SYNE1: variants seen among roughly 807,000 people sequenced by gnomAD.
The protein encoded by SYNE1 is nesprin-1.
In SYNE1, 616 loss-of-function variants were observed where a neutral mutation model predicts 1,111.0. The ratio of observed to expected loss-of-function variants is 0.55; its 90% CI spans 0.52 to 0.59. The LOEUF (loss-of-function observed/expected upper bound fraction) is 0.59, where lower values mean the gene tolerates loss of function less well. Among genes scored for constraint, SYNE1 ranks in the 20% least tolerant of loss-of-function variants. The pLI, the probability that SYNE1 is intolerant of heterozygous loss-of-function variation, is 0.00. For synonymous variants in SYNE1, 3,855 were observed against 3,825.8 expected, an observed-to-expected ratio of 1.01 and a Z score of -0.28; for missense variants, 10,006 against 10,417.0, an observed-to-expected ratio of 0.96 and a Z score of 1.72.
intron 105 of SYNE1, among the ~76,000 whole-genome samples, chr6:152,246,686 G>A (rs2087265335): frequency 6.6e-6 from 1 of 152,178 alleles, no homozygotes; most frequent in Admixed American, 6.5e-5. Flanking sequence ...AGAACAGAAA[G>A]ATGAGAGCTG....
At chr6:152,353,507 T>C (rs1443378776) in intron 68 of SYNE1, 74 bp from the exon 69 acceptor site, 1 of 1,613,544 alleles carries the variant, frequency 6.2e-7, no homozygotes. Context: ...AATATGTATC[T>C]TCACTGGATG....
At chr6:152,582,433 G>A (rs951993414) in intron 3 of SYNE1, among the ~76,000 whole-genome samples, 12 of 151,932 alleles carry the variant, frequency 7.9e-5, no homozygotes, top group Admixed American at 7.9e-4. Context: ...ACATGTGTGT[G>A]CATGAGTGTG....
chr6:152,366,653 G>A (rs2097086271), intron 62 of SYNE1, among the ~76,000 whole-genome samples: 2 of 152,142 alleles, frequency 1.3e-5, no homozygotes, highest in Admixed American at 1.3e-4. Flanking sequence ...TGTGGTTGTT[G>A]TCTTCTATAT....
At chr6:152,225,990 G>A (rs1392111911) in intron 115 of SYNE1, 114 bp from the exon 116 acceptor site, 4 of 1,037,426 alleles carry the variant, frequency 3.9e-6, no homozygotes, top group African/African-American at 1.6e-5. Flanking sequence ...AATCCAAAAA[G>A]CTTATCTCTT....
intron 39 of SYNE1, among the ~76,000 whole-genome samples, chr6:152,420,681 T>G (rs1172743709): frequency 2.6e-5 from 4 of 152,160 alleles, no homozygotes; most frequent in Admixed American, 6.5e-5. Flanking sequence ...TAACCCAACA[T>G]TAAGCAGAAC....
chr6:152,605,306 T>G (rs1167055279), intron 3 of SYNE1, among the ~76,000 whole-genome samples: 1 of 152,126 alleles, frequency 6.6e-6, no homozygotes, highest in Non-Finnish European at 1.5e-5. Flanking sequence ...AGGCATCACA[T>G]TTTCTACGTT....
At chr6:152,132,639 A>T (rs2056075931) in intron 143 of SYNE1, among the ~76,000 whole-genome samples, 1 of 152,182 alleles carries the variant, frequency 6.6e-6, no homozygotes, top group Non-Finnish European at 1.5e-5. Context: ...TTTGCATTAG[A>T]GGACTTTACT....
intron 40 of SYNE1, among the ~76,000 whole-genome samples, 187 bp downstream of exon 40, chr6:152,419,382 C>T (rs946135264): frequency 6.6e-6 from 1 of 152,158 alleles, no homozygotes; most frequent in Non-Finnish European, 1.5e-5. Flanking sequence ...GTGGCTTTAT[C>T]TGCTTAATTG....
In SYNE1 at chr6:152,447,582, C is replaced by T. The variant is rs771253517; in HGVS notation, c.3545G>A (p.Ser1182Asn). 6.2e-7 allele frequency: 1 copy of T among 1,614,228 alleles called. No homozygotes were observed. The highest frequency in any genetic ancestry group is 1.3e-5 in the African/African-American group (1 of 75,064). ...AACTTTCAGCCTGGATTTCAGCCAGCTGAGGGTCTCACCCCTTTTGGTAAC... is the reference window on the plus strand; with the variant it reads ...AACTTTCAGCCTGGATTTCAGCCAGTTGAGGGTCTCACCCCTTTTGGTAAC... ...NGVTKRGETLSWLKSRLKVLT... is the reference protein window; with the variant it reads ...NGVTKRGETLNWLKSRLKVLT... Residue 1182 changes from serine to asparagine, a missense_variant, in exon 29 of 146, where the codon AGC becomes AAC. Coordinates refer to ENST00000367255, the MANE Select transcript of SYNE1 (RefSeq NM_182961.4).
intron 112 of SYNE1, among the ~76,000 whole-genome samples, chr6:152,232,681 C>T (rs1023595096): frequency 1.3e-5 from 2 of 152,206 alleles, no homozygotes; most frequent in African/African-American, 4.8e-5. Flanking sequence ...AAATACCACA[C>T]TACAAGCTAT....
At position 152,151,827 on chromosome 6, in the gene SYNE1, A is replaced by G. The variant is rs542419699; in HGVS notation, c.24312+132T>C. The G allele has an allele frequency of 8.1e-6, 12 of 1,479,264 alleles. No individual in the cohort carries two copies. The African/African-American group carries it at 8.4e-5, about 10-fold the overall frequency. 91.6% of individuals were successfully genotyped at this position (1,479,264 alleles called of 1,614,324 possible). A position where few individuals can be genotyped will look rare whatever the true frequency, so the allele number is the denominator to read the frequency against. ...AATGAGAAGCCTGCAATCCTTTGCTATATCACTCCCCGGTTTACTCCTCCT... is the reference window on the plus strand; with the variant it reads ...AATGAGAAGCCTGCAATCCTTTGCTGTATCACTCCCCGGTTTACTCCTCCT... On this transcript the variant is annotated intron_variant, in intron 134 of 145. Coordinates refer to ENST00000367255, the MANE Select transcript of SYNE1 (RefSeq NM_182961.4).
At chr6:152,184,026 G>A (rs925835293) in intron 128 of SYNE1, among the ~76,000 whole-genome samples, 1 of 152,100 alleles carries the variant, frequency 6.6e-6, no homozygotes, top group African/African-American at 2.4e-5. Context: ...TCTTATGTTT[G>A]CTCCAAAAAT....
chr6:152,139,649 GA>G (rs1195690696), intron 140 of SYNE1, among the ~76,000 whole-genome samples: 3 of 117,752 alleles, frequency 2.5e-5, no homozygotes, highest in Admixed American at 8.9e-5. Context: ...GAGAAAGAAA[GA>G]AAAAAAAGAA....
At chr6:152,469,536 C>T (rs1470972563) in intron 16 of SYNE1, among the ~76,000 whole-genome samples, 3 of 152,070 alleles carry the variant, frequency 2.0e-5, no homozygotes, top group African/African-American at 7.2e-5. Context: ...TCACAGTACA[C>T]TTACAGGTAT....
intron 39 of SYNE1, among the ~76,000 whole-genome samples, chr6:152,423,733 C>T (rs1259590260): frequency 6.6e-6 from 1 of 152,236 alleles, no homozygotes; most frequent in Non-Finnish European, 1.5e-5. Flanking sequence ...ACATCATCTA[C>T]TTCTCTGGTC....
At chr6:152,234,387 C>G (rs567722411) in intron 111 of SYNE1, among the ~76,000 whole-genome samples, 1 of 152,072 alleles carries the variant, frequency 6.6e-6, no homozygotes, top group Non-Finnish European at 1.5e-5. Flanking sequence ...CTCTGCCTTC[C>G]GGGTTCAAGC....
chr6:152,256,861 T>C (rs889511420), intron 101 of SYNE1, 96 bp from the exon 102 acceptor site: 2 of 1,563,000 alleles, frequency 1.3e-6, no homozygotes. Context: ...CTGAAAACAC[T>C]GTCCATATGA....
intron 91 of SYNE1, 121 bp downstream of exon 91, chr6:152,308,368 A>G (rs2095443621): frequency 1.1e-5 from 15 of 1,415,010 alleles, no homozygotes; most frequent in East Asian, 2.3e-5. Flanking sequence ...AGGCCTCTCA[A>G]GAGTTGAACA....
At chr6:152,205,541 G>T (rs1201908043) in intron 126 of SYNE1, among the ~76,000 whole-genome samples, 1 of 152,192 alleles carries the variant, frequency 6.6e-6, no homozygotes, top group Non-Finnish European at 1.5e-5. Context: ...TAGAGGTCCT[G>T]TCCTTTTTAA....
Sources: gnomAD v4.1 joint callset for allele counts (sites outside exome capture counted in the v4.1 genomes callset) on GRCh38, gnomAD v4.1.1 for gene constraint, MANE v1.5 for transcripts, NCBI Gene and HGNC (gene_info 2026-07-23, HGNC 2026-07-21) for gene names.